POSTN: variants seen among roughly 807,000 people sequenced by gnomAD.
POSTN encodes the protein periostin, also known as osteoblast specific factor 2 (fasciclin I-like).
Under a neutral mutation model 104.5 loss-of-function variants are expected in POSTN, and 71 were observed. The ratio of observed to expected loss-of-function variants is 0.68; its 90% CI spans 0.56 to 0.83. POSTN has a LOEUF of 0.83. POSTN is among the 40% of genes least tolerant of loss of function. POSTN has a pLI of 0.00. For missense variants in POSTN, 949 were observed against 1,006.8 expected (o/e 0.94, Z 0.78); for synonymous variants, 355 against 340.7 (o/e 1.04, Z -0.46).
Position 37,579,218 on chromosome 13 carries a change from A to G in POSTN, c.1791+11T>C, listed in dbSNP as rs1454664546. 2.5e-6 allele frequency: 4 copies of G among 1,609,796 alleles called. No individual in the cohort carries two copies. The African/African-American group carries it at 4.0e-5, about 16-fold the overall frequency. On this transcript the variant is annotated intron_variant, in intron 13 of 22. Transcript: ENST00000379747. ...ATGAACACTATCATAAATTCATTCTAGACAACTTACTTCTTTCAGAAAGAT... is the reference window on the plus strand; with the variant it reads ...ATGAACACTATCATAAATTCATTCTGGACAACTTACTTCTTTCAGAAAGAT...
In POSTN at chr13:37,584,864, G is replaced by A; in HGVS notation, c.960C>T (p.Val320=). The A allele has an allele frequency of 6.2e-7, 1 of 1,613,886 alleles. No individual in the cohort carries two copies. The highest frequency in any genetic ancestry group is 8.5e-7 in the Non-Finnish European group (1 of 1,179,938). Residue 320 remains valine (V), a synonymous_variant, in exon 8 of 23, where the codon GTC becomes GTT. Transcript: ENST00000379747. ...TTGTATTTCCTTCCAGCGTCTCAAA[G>A]ACTGCTCCTCCCATAATAGACTCAG... The part of the protein sequence containing the change: ...QCSESIMGGA[V]FETLEGNTIE...
At chr13:37,574,708 GTTT>G in intron 16 of POSTN, 56 bp from the exon 17 acceptor site, 9 of 1,267,288 alleles carry the variant, frequency 7.1e-6, no homozygotes, top group Admixed American at 3.3e-5. Context: ...CTGAACAAAG[GTTT>G]TTTTTTTTTT....
chr13:37,564,475 CA>C, intron 22 of POSTN, 43 bp downstream of exon 22: 1 of 1,102,366 alleles, frequency 9.1e-7, no homozygotes, highest in Non-Finnish European at 1.3e-6. Context: ...CTTCATGTAA[CA>C]AAAGAGGCCA....
chr13:37,570,755 A>T (rs749224093), intron 18 of POSTN, 86 bp from the exon 19 acceptor site: 55 of 828,256 alleles, frequency 6.6e-5, no homozygotes, highest in Non-Finnish European at 1.1e-4. Flanking sequence ...ATGATTAACT[A>T]TATTTCTACA....
intron 21 of POSTN, 42 bp downstream of exon 21, chr13:37,569,258 C>A: frequency 6.9e-7 from 1 of 1,452,956 alleles, no homozygotes; most frequent in Non-Finnish European, 9.6e-7. Context: ...AACTCAGTCA[C>A]TAGAACCTGT....
chr13:37,592,003 G>A, intron 3 of POSTN, 97 bp downstream of exon 3: 2 of 734,158 alleles, frequency 2.7e-6, no homozygotes, highest in Admixed American at 2.3e-5. Flanking sequence ...TTAGGATGGT[G>A]CTGAATACAC....
chr13:37,577,043 A>G lies in POSTN; in HGVS notation c.2008+710T>C, dbSNP rs568026878. On this transcript the variant is annotated intron_variant, in intron 16 of 22. Coordinates refer to ENST00000379747, the MANE Select transcript of POSTN (RefSeq NM_006475.3). ...TACAGAGCCAAAACAAAATGAAAAG[A>G]ATTTCTGCTTGAAAGCTACAGTGAA... Among the ~76,000 whole-genome samples the G allele has an allele frequency of 3.3e-4, 51 of 152,302 alleles. 1 individual carries two copies. The highest frequency in any genetic ancestry group is 1.2e-3 in the African/African-American group (48 of 41,576).
intron 4 of POSTN, among the ~76,000 whole-genome samples, chr13:37,588,615 G>C (rs748597953): frequency 1.3e-5 from 2 of 152,192 alleles, no homozygotes; most frequent in Admixed American, 6.5e-5. Context: ...CTATTCGGAA[G>C]TAGTTTGGAG....
intron 3 of POSTN, among the ~76,000 whole-genome samples, chr13:37,591,086 T>C (rs1950917971): frequency 6.6e-6 from 1 of 152,298 alleles, no homozygotes; most frequent in Non-Finnish European, 1.5e-5. Flanking sequence ...ATTTGATTAA[T>C]AGCATAGAAT....
At chr13:37,586,007 A>T in intron 7 of POSTN, 132 bp downstream of exon 7, 1 of 719,200 alleles carries the variant, frequency 1.4e-6, no homozygotes, top group Non-Finnish European at 2.2e-6. Flanking sequence ...TGGAAGACAT[A>T]GTACATCTCA....
chr13:37,577,400 A>G (rs1950440091), intron 16 of POSTN, among the ~76,000 whole-genome samples: 1 of 152,178 alleles, frequency 6.6e-6, no homozygotes, highest in Non-Finnish European at 1.5e-5. Context: ...AGTCTTGGCT[A>G]AGGTCATTTC....
chr13:37,574,689 C>A, intron 16 of POSTN, 37 bp from the exon 17 acceptor site: 2 of 1,535,776 alleles, frequency 1.3e-6, no homozygotes, highest in Admixed American at 2.3e-5. Flanking sequence ...AAAATATTTA[C>A]ATAAAAACCT....
intron 18 of POSTN, chr13:37,570,986 C>A (rs1462238914): frequency 4.7e-5 from 14 of 300,392 alleles, no homozygotes; most frequent in African/African-American, 3.0e-4. Flanking sequence ...GGAGCCCTAT[C>A]ATAAATCCTA....
chr13:37,592,200 A>G, intron 2 of POSTN, 36 bp from the exon 3 acceptor site: 1 of 1,209,848 alleles, frequency 8.3e-7, no homozygotes, highest in Non-Finnish European at 1.2e-6. Flanking sequence ...TAAAATGAGA[A>G]ACTAAATAGG....
chr13:37,579,312 C>G lies in POSTN; in HGVS notation c.1708G>C (p.Gly570Arg), dbSNP rs199954350. ...TCAAATCCTTTTCCAATGAAAACTC[C>G]TGGTGTCAGGTGATAAAGAATGATG... is the stretch of plus-strand genomic sequence containing the variant. ...QNIILYHLTP[G>R]VFIGKGFEPG... Residue 570 changes from glycine (G) to arginine (R), a missense_variant, in exon 13 of 23, where the codon GGA becomes CGA. Gly to Arg is a moderately radical substitution (Grantham distance 125). Transcript: ENST00000379747. The G allele has an allele frequency of 2.5e-6, 4 of 1,599,346 alleles. No individual in the cohort carries two copies. The East Asian group carries it at 6.7e-5, about 27-fold the overall frequency.
In POSTN at chr13:37,569,385, T is replaced by G; in HGVS notation, c.2348-2A>C. On this transcript the variant is annotated splice_acceptor_variant, in intron 20 of 22. Coordinates refer to ENST00000379747, the MANE Select transcript of POSTN (RefSeq NM_006475.3). LOFTEE classifies it high-confidence loss of function. ...TGAATTTGGTGACCTTGGTGACCTC[T>G]GAGAGGATACATGTTTATAGCAGAA... 1 of 1,606,132 alleles carries G rather than the reference T, an allele frequency of 6.2e-7. No individual in the cohort carries two copies. The highest frequency in any genetic ancestry group is 8.5e-7 in the Non-Finnish European group (1 of 1,173,220).
chr13:37,580,716 G>T lies in POSTN; in HGVS notation c.1393-19C>A. On this transcript the variant is annotated intron_variant, in intron 10 of 22. Transcript: ENST00000379747. Reference sequence around the variant, plus strand: ...AGACAGCCTAGGAAAGGAAAGAAAGGTATGGGGTGTCATTTTCCTTGCTTG... The same window carrying T: ...AGACAGCCTAGGAAAGGAAAGAAAGTTATGGGGTGTCATTTTCCTTGCTTG... 2 of 1,613,476 alleles carry T rather than the reference G, an allele frequency of 1.2e-6. No individual in the cohort carries two copies. Among genetic ancestry groups the T allele is most frequent in the Non-Finnish European group, 1.7e-6 (2 of 1,179,702 alleles).
chr13:37,577,134 A>G (rs1438167380), intron 16 of POSTN, among the ~76,000 whole-genome samples: 4 of 152,188 alleles, frequency 2.6e-5, no homozygotes, highest in African/African-American at 9.6e-5. Flanking sequence ...TACTAGCTAC[A>G]CTTATGAGAA....
chr13:37,583,446 T>TC (rs1257550920), intron 9 of POSTN, among the ~76,000 whole-genome samples: 2 of 149,384 alleles, frequency 1.3e-5, no homozygotes, highest in Non-Finnish European at 3.0e-5. Flanking sequence ...AAGTTTCGTT[T>TC]TTTTTTTTTT....
Sources: gnomAD v4.1 joint callset for allele counts (sites outside exome capture counted in the v4.1 genomes callset) on GRCh38, gnomAD v4.1.1 for gene constraint, MANE v1.5 for transcripts, NCBI Gene and HGNC (gene_info 2026-07-23, HGNC 2026-07-21) for gene names.